The following KCNJ18 variants were observed in gnomAD, a reference collection of about 807,000 sequenced individuals.
KCNJ18 encodes potassium inwardly rectifying channel subfamily J member 18, also known as inward rectifier potassium channel 18.
A neutral mutation model predicts 17.3 loss-of-function variants in KCNJ18; 16 were observed. The observed-to-expected ratio is 0.92, with a 90% CI of 0.62 to 1.40. The LOEUF (loss-of-function observed/expected upper bound fraction) is 1.40. KCNJ18 is among the 40% of genes most tolerant of loss of function. The pLI, the probability that KCNJ18 is intolerant of heterozygous loss-of-function variation, is 0.00. For synonymous variants in KCNJ18, 185 were observed against 262.6 expected (o/e 0.70, Z 2.86); for missense variants, 462 against 626.8 (o/e 0.74, Z 2.81).
rs1205843415 is a variant in KCNJ18 at position 21,704,013 on chromosome 17, G to T, written c.1227G>T (p.Arg409Ser). ...RSRDGLSPQA[R>S]HDFDRLQAGG... Reference sequence around the variant, plus strand: ...GGGATGGCCTCAGCCCCCAGGCCAGGCATGACTTTGACAGACTCCAGGCTG... The same window carrying T: ...GGGATGGCCTCAGCCCCCAGGCCAGTCATGACTTTGACAGACTCCAGGCTG... The change falls in exon 3 of 3, where the codon AGG (arginine) becomes AGT (serine). Residue 409 changes from arginine to serine, a missense_variant. Physicochemically the swap from Arg to Ser is moderately radical, Grantham distance 110 (BLOSUM62 -1). Coordinates refer to ENST00000567955, the MANE Select transcript of KCNJ18 (RefSeq NM_001194958.2). 5.0e-6 allele frequency: 8 copies of T among 1,591,676 alleles called. No individual in the cohort carries two copies. Among genetic ancestry groups the T allele is most frequent in the African/African-American group, 4.0e-5 (3 of 74,524 alleles).
rs1391597758 is a variant in KCNJ18 at position 21,703,114 on chromosome 17, G to A, written c.328G>A (p.Gly110Ser). The change falls in exon 3 of 3, where the codon GGT becomes AGT. Residue 110 changes from glycine to serine, a missense_variant. Physicochemically the swap from Gly to Ser is moderately conservative, Grantham distance 56. Around this residue, in one of 5 missense-constraint regions of KCNJ18, gnomAD observed 237 missense variants for 259.4 expected, o/e 0.91. Coordinates refer to ENST00000567955, the MANE Select transcript of KCNJ18 (RefSeq NM_001194958.2). ...VIFWVIAVAH[G>S]DLEPAEGHGR... is the part of the protein sequence containing the mutation. Reference sequence around the variant, plus strand: ...CTTCTGGGTCATCGCGGTGGCACACGGTGACCTGGAGCCGGCTGAGGGCCA... The same window carrying A: ...CTTCTGGGTCATCGCGGTGGCACACAGTGACCTGGAGCCGGCTGAGGGCCA... The A allele has an allele frequency of 9.4e-5, 152 of 1,611,764 alleles. No individual in the cohort carries two copies. The Middle Eastern group carries it at 3.6e-3, about 38-fold the overall frequency.
chr17:21,701,061 C>A (rs1480845861), intron 2 of KCNJ18, among the ~76,000 whole-genome samples: 3 of 151,718 alleles, frequency 2.0e-5, no homozygotes, highest in Admixed American at 6.6e-5. Flanking sequence ...CCTAGCCCAG[C>A]CAAGGCAGGC....
chr17:21,703,680 C>A lies in KCNJ18; in HGVS notation c.894C>A (p.Ile298=). ...LETDDFEIVV[I]LEGMVEATAM... ...CGGACGACTTTGAGATCGTGGTCAT[C>A]CTGGAAGGCATGGTGGAGGCCACAG... Residue 298 remains isoleucine (I), a synonymous_variant, in exon 3 of 3, where the codon ATC becomes ATA. Transcript: ENST00000567955. The A allele has an allele frequency of 6.3e-7, 1 of 1,588,740 alleles. No individual in the cohort carries two copies. Among genetic ancestry groups the A allele is most frequent in the Non-Finnish European group, 8.6e-7 (1 of 1,166,370 alleles).
At chr17:21,698,403 A>G (rs1232703380) in intron 2 of KCNJ18, among the ~76,000 whole-genome samples, 1 of 151,890 alleles carries the variant, frequency 6.6e-6, no homozygotes, top group South Asian at 2.1e-4. Flanking sequence ...CACTTGATAG[A>G]TACTGAGTGC....
Position 21,695,355 on chromosome 17 carries a change from T to C in KCNJ18, c.-178-628T>C, listed in dbSNP as rs1430307841. Among the ~76,000 whole-genome samples, 81 of 152,134 alleles carry C rather than the reference T, an allele frequency of 5.3e-4. No homozygotes were observed. The East Asian group carries it at 0.015, about 27-fold the overall frequency. ...CCATCCATCCATCCACCCACCCATG[T>C]ATTCATTCATCCATATACCCACTCA... On this transcript the variant is annotated intron_variant, in intron 1 of 2. Coordinates refer to ENST00000567955, the MANE Select transcript of KCNJ18 (RefSeq NM_001194958.2).
At chr17:21,697,801 G>A (rs1184297604) in intron 2 of KCNJ18, among the ~76,000 whole-genome samples, 2 of 152,310 alleles carry the variant, frequency 1.3e-5, no homozygotes, top group African/African-American at 4.8e-5. Context: ...GGCTTTCCAG[G>A]CCCCAGTGCT....
chr17:21,699,772 G>A (rs1206619370), intron 2 of KCNJ18, among the ~76,000 whole-genome samples: 1,882 of 152,050 alleles, frequency 0.012, no homozygotes, highest in African/African-American at 0.043. Flanking sequence ...CCCTGGCAGA[G>A]ATGCCAGGAG....
In KCNJ18 at chr17:21,703,149, A is replaced by T. The variant is rs1440869121; in HGVS notation, c.363A>T (p.Thr121=). Residue 121 remains threonine (T), a synonymous_variant, in exon 3 of 3, where the codon ACA becomes ACT. Coordinates refer to ENST00000567955, the MANE Select transcript of KCNJ18 (RefSeq NM_001194958.2). ...DLEPAEGHGR[T]PCVMQVHGFM... is the part of the protein sequence containing the mutation. Reference sequence around the variant, plus strand: ...AGCCGGCTGAGGGCCACGGCCGCACACCCTGTGTGATGCAGGTGCACGGCT... The same window carrying T: ...AGCCGGCTGAGGGCCACGGCCGCACTCCCTGTGTGATGCAGGTGCACGGCT... 3 of 1,610,794 alleles carry T rather than the reference A, an allele frequency of 1.9e-6. No individual in the cohort carries two copies. In the Admixed American group the frequency reaches 5.0e-5, roughly 27 times the overall value.
intron 1 of KCNJ18, among the ~76,000 whole-genome samples, chr17:21,692,948 G>T (rs1365827102): frequency 1.3e-5 from 2 of 152,308 alleles, no homozygotes; most frequent in Non-Finnish European, 2.9e-5. Context: ...CCTCAGGAAG[G>T]GGAAGTGCCT....
chr17:21,697,765 T>TC (rs1897889572), intron 2 of KCNJ18, among the ~76,000 whole-genome samples: 1 of 152,310 alleles, frequency 6.6e-6, no homozygotes, highest in African/African-American at 2.4e-5. Flanking sequence ...AGAGCCTCAG[T>TC]CTCCCCATCT....
intron 1 of KCNJ18, among the ~76,000 whole-genome samples, 157 bp from the exon 2 acceptor site, chr17:21,695,826 G>C (rs1441936837): frequency 1.3e-5 from 2 of 152,304 alleles, no homozygotes; most frequent in Non-Finnish European, 2.9e-5. Context: ...TGAAGGTGTG[G>C]GGCATCAAAG....
chr17:21,703,894 C>G lies in KCNJ18; in HGVS notation c.1108C>G (p.Pro370Ala). ...KDLVENKFLL[P>A]SANSFCYENE... The stretch of plus-strand genomic sequence containing the variant: ...TCTGGTAGAGAACAAGTTCCTGCTG[C>G]CCAGTGCCAACTCCTTCTGCTATGA... Residue 370 changes from proline to alanine, a missense_variant, in exon 3 of 3, where the codon CCC (proline) becomes GCC (alanine). Pro to Ala is a conservative substitution (Grantham distance 27). Coordinates refer to ENST00000567955, the MANE Select transcript of KCNJ18 (RefSeq NM_001194958.2). 6.2e-7 allele frequency: 1 copy of G among 1,612,812 alleles called. No homozygotes were observed. The highest frequency in any genetic ancestry group is 8.5e-7 in the Non-Finnish European group (1 of 1,180,036).
In KCNJ18 at chr17:21,703,516, A is replaced by C. The variant is rs2142273615; in HGVS notation, c.730A>C (p.Ile244Leu). 1.9e-6 allele frequency: 3 copies of C among 1,605,072 alleles called. No individual in the cohort carries two copies. Among genetic ancestry groups the C allele is most frequent in the Non-Finnish European group, 2.6e-6 (3 of 1,176,268 alleles). ...KPRVTEEGEY[I>L]PLDQIDIDVG... ...GCGGGTCACCGAGGAGGGCGAGTAC[A>C]TCCCGCTGGACCAGATCGACATCGA... The change falls in exon 3 of 3, where the codon ATC (isoleucine) becomes CTC (leucine). Residue 244 changes from isoleucine (I) to leucine (L), a missense_variant. Transcript: ENST00000567955.
At chr17:21,701,342 C>T (rs1275498361) in intron 2 of KCNJ18, among the ~76,000 whole-genome samples, 1 of 152,292 alleles carries the variant, frequency 6.6e-6, no homozygotes, top group Non-Finnish European at 1.5e-5. Flanking sequence ...GTGCTGGGAA[C>T]AGGTGACACC....
intron 2 of KCNJ18, among the ~76,000 whole-genome samples, chr17:21,697,004 C>A (rs1905778373): frequency 6.6e-6 from 1 of 152,276 alleles, no homozygotes; most frequent in Admixed American, 6.5e-5. Flanking sequence ...CTGGAGCTGA[C>A]TCCCGCTGGG....
In KCNJ18 at chr17:21,703,743, T is replaced by C. The variant is rs1906061541; in HGVS notation, c.957T>C (p.Asn319=). 6 of 1,601,132 alleles carry C rather than the reference T, an allele frequency of 3.7e-6. No individual in the cohort carries two copies. The Admixed American group carries it at 8.5e-5, about 23-fold the overall frequency. The change falls in exon 3 of 3, where the codon AAT becomes AAC. Residue 319 remains asparagine, a synonymous_variant. Transcript: ENST00000567955. Reference sequence around the variant, plus strand: ...AGGCCCGCAGCTCCTACCTGGCCAATGAGATCCTGTGGGGTCACCGCTTTG... The same window carrying C: ...AGGCCCGCAGCTCCTACCTGGCCAACGAGATCCTGTGGGGTCACCGCTTTG... The part of the protein sequence containing the change: ...TTQARSSYLA[N]EILWGHRFEP...
At chr17:21,698,163 A>G (rs1905826389) in intron 2 of KCNJ18, among the ~76,000 whole-genome samples, 1 of 152,058 alleles carries the variant, frequency 6.6e-6, no homozygotes, top group Non-Finnish European at 1.5e-5. Context: ...TTGCAGTGCC[A>G]CGCACACAGT....
chr17:21,701,841 G>A (rs1299666347), intron 2 of KCNJ18, among the ~76,000 whole-genome samples: 1 of 151,856 alleles, frequency 6.6e-6, no homozygotes, highest in East Asian at 1.9e-4. Context: ...AACCTAGGAG[G>A]CGGAGATGGC....
In KCNJ18 at chr17:21,703,534, G is replaced by C; in HGVS notation, c.748G>C (p.Asp250His). Residue 250 changes from aspartate (D) to histidine (H), a missense_variant, in exon 3 of 3, where the codon GAC becomes CAC. Physicochemically the swap from Asp to His is moderately conservative, Grantham distance 81 (BLOSUM62 -1). This residue lies in a region of KCNJ18 where 27 missense variants were observed against 119.2 expected (regional missense o/e 0.23). Transcript: ENST00000567955. ...CGAGTACATCCCGCTGGACCAGATCGACATCGATGTGGGCTTCGACAAGGG... is the reference window on the plus strand; with the variant it reads ...CGAGTACATCCCGCTGGACCAGATCCACATCGATGTGGGCTTCGACAAGGG... ...EGEYIPLDQI[D>H]IDVGFDKGLD... is the part of the protein sequence containing the mutation. 1 of 1,606,810 alleles carries C rather than the reference G, an allele frequency of 6.2e-7. No individual in the cohort carries two copies. Among genetic ancestry groups the C allele is most frequent in the South Asian group, 1.1e-5 (1 of 89,658 alleles).
Sources: allele counts gnomAD v4.1 joint callset (sites outside exome capture counted in the v4.1 genomes callset), GRCh38; gene constraint gnomAD v4.1.1; regional missense constraint gnomAD v4.1.1; transcripts MANE v1.5; gene names NCBI Gene and HGNC (gene_info 2026-07-23, HGNC 2026-07-21).